PDE1C: variants seen among roughly 807,000 people sequenced by gnomAD.
PDE1C encodes phosphodiesterase 1C.
PDE1C carries 62 observed loss-of-function variants against 93.1 expected under a neutral mutation model. The observed-to-expected ratio is 0.67, with a 90% CI of 0.54 to 0.82. PDE1C has a LOEUF of 0.82. Ranked by LOEUF, PDE1C falls within the 40% of genes least tolerant of loss-of-function variation. The probability of loss-of-function intolerance (pLI) is 0.00; values close to 1 mark genes in which losing one functional copy is unlikely to be tolerated. For missense variants in PDE1C, 742 were observed against 884.6 expected, an observed-to-expected ratio of 0.84 and a Z score of 2.04; for synonymous variants, 325 against 310.1, an observed-to-expected ratio of 1.05 and a Z score of -0.50.
chr7:31,681,822 G>A, the PDE1C span, among the ~76,000 whole-genome samples: 2 of 152,170 alleles, frequency 1.3e-5, no homozygotes, highest in Non-Finnish European at 2.9e-5. Context: ...TTTAAGGCCT[G>A]GCAGAGAAGT....
intron 1 of PDE1C, among the ~76,000 whole-genome samples, chr7:32,384,886 C>T (rs1264605363): frequency 2.0e-5 from 3 of 152,086 alleles, no homozygotes; most frequent in African/African-American, 7.2e-5. Flanking sequence ...CCACATGATG[C>T]CAATGGTGCT....
intron 1 of PDE1C, among the ~76,000 whole-genome samples, chr7:32,317,710 C>T (rs1783204968): frequency 6.6e-6 from 1 of 152,170 alleles, no homozygotes; most frequent in African/African-American, 2.4e-5. Flanking sequence ...CACAGCCAAC[C>T]TGCTGGGGAC....
chr7:31,722,910 T>C, the PDE1C span, among the ~76,000 whole-genome samples: 18 of 152,204 alleles, frequency 1.2e-4, no homozygotes, highest in Non-Finnish European at 2.6e-4. Context: ...TGACAGTTTT[T>C]CTCTCCTGAG....
At chr7:31,681,620 C>G in the PDE1C span, among the ~76,000 whole-genome samples, 1 of 152,114 alleles carries the variant, frequency 6.6e-6, no homozygotes, top group Non-Finnish European at 1.5e-5. Flanking sequence ...TCTCTCATTT[C>G]CATCAGATTA....
intron 14 of PDE1C, 149 bp from the exon 15 acceptor site, chr7:31,816,303 T>A (rs1445132015): frequency 4.5e-6 from 3 of 667,232 alleles, no homozygotes; most frequent in East Asian, 2.7e-5. Flanking sequence ...GATTGGCATG[T>A]ATACTTAGGA....
chr7:32,081,732 C>G (rs60406257), intron 3 of PDE1C, among the ~76,000 whole-genome samples: 18,603 of 152,244 alleles, frequency 0.12, 1,305 homozygotes, highest in East Asian at 0.34. Flanking sequence ...TTTTCAAACC[C>G]CTCTGCCTTC....
intron 16 of PDE1C, among the ~76,000 whole-genome samples, chr7:31,778,186 C>T (rs530438064): frequency 1.4e-4 from 22 of 152,332 alleles, no homozygotes; most frequent in Middle Eastern, 3.4e-3. Flanking sequence ...AAAGCCAGTG[C>T]TGCCACAATG....
rs151128305 is a variant in PDE1C at position 32,047,461 on chromosome 7, C to T, written c.128+4093G>A. Among the ~76,000 whole-genome samples, 356 of 152,226 alleles carry T rather than the reference C, an allele frequency of 2.3e-3. 2 individuals are homozygous for T. Among genetic ancestry groups the T allele is most frequent in the East Asian group, 0.02 (104 of 5,176 alleles). ...GTTTTCTGTGCAAGGAGAGGCTTAC[C>T]TACTACCTATTGATTCCCTTGCTAA... is the stretch of plus-strand genomic sequence containing the variant. On this transcript the variant is annotated intron_variant, in intron 2 of 17. Transcript: ENST00000396191.
intron 2 of PDE1C, among the ~76,000 whole-genome samples, chr7:31,895,991 T>TTACATACATACA (rs6150057): frequency 0.15 from 21,954 of 148,336 alleles, 1,724 homozygotes; most frequent in South Asian, 0.21. Flanking sequence ...ACACTCTCCC[T>TTACATACATACA]TACATACATA....
At chr7:32,344,373 G>C (rs569458280) in intron 1 of PDE1C, among the ~76,000 whole-genome samples, 1 of 152,298 alleles carries the variant, frequency 6.6e-6, no homozygotes, top group Non-Finnish European at 1.5e-5. Flanking sequence ...ACCACGCCCA[G>C]CTAGTATATT....
At chr7:32,342,515 T>A (rs1294807415) in intron 1 of PDE1C, among the ~76,000 whole-genome samples, 1 of 152,210 alleles carries the variant, frequency 6.6e-6, no homozygotes, top group Non-Finnish European at 1.5e-5. Context: ...GTTTTAAATA[T>A]GTATGTTTGC....
intron 1 of PDE1C, among the ~76,000 whole-genome samples, chr7:32,336,493 A>G (rs1783629126): frequency 6.6e-6 from 1 of 152,180 alleles, no homozygotes. Flanking sequence ...AAGTCTCATA[A>G]TCTTACTACA....
chr7:31,786,303 G>A (rs150055850), intron 16 of PDE1C: 35 of 147,898 alleles, frequency 2.4e-4, no homozygotes, highest in African/African-American at 8.5e-4. Context: ...GTATTGTTCT[G>A]TTTTTTTCTT....
intron 1 of PDE1C, among the ~76,000 whole-genome samples, chr7:32,212,820 T>C (rs1031196616): frequency 6.6e-6 from 1 of 152,114 alleles, no homozygotes; most frequent in African/African-American, 2.4e-5. Context: ...GTAACTCCCC[T>C]TCCCACACCT....
intron 1 of PDE1C, among the ~76,000 whole-genome samples, chr7:32,312,175 A>G (rs1783060870): frequency 6.6e-6 from 1 of 152,198 alleles, no homozygotes; most frequent in Non-Finnish European, 1.5e-5. Context: ...AGAGAATAAA[A>G]TACCTAGCAA....
At chr7:32,357,991 A>C (rs1255061031) in intron 1 of PDE1C, among the ~76,000 whole-genome samples, 2 of 152,218 alleles carry the variant, frequency 1.3e-5, no homozygotes, top group South Asian at 4.1e-4. Context: ...GGGCACTTCC[A>C]TGGGGCAGGC....
rs556686164 is a variant in PDE1C, at chr7:32,255,225, A to G, written c.85+43426T>C. ...GTTCATGGGAGTCAAGGCCTCTCAG[A>G]TGGGAGACACCAAGATAAACCGCCT... On this transcript the variant is annotated intron_variant, in intron 1 of 18. Transcript: ENST00000396193. Among the ~76,000 whole-genome samples the G allele has an allele frequency of 2.1e-3, 319 of 152,270 alleles. 1 individual carries two copies. Among genetic ancestry groups the G allele is most frequent in the African/African-American group, 7.4e-3 (306 of 41,548 alleles).
intron 17 of PDE1C, among the ~76,000 whole-genome samples, chr7:31,769,751 A>T (rs1381039805): frequency 9.9e-5 from 15 of 152,178 alleles, no homozygotes; most frequent in Non-Finnish European, 1.5e-5. Flanking sequence ...ATCCATGAGA[A>T]GTCACTCTCC....
chr7:32,167,435 G>T (rs140369441), intron 3 of PDE1C, among the ~76,000 whole-genome samples: 1 of 152,268 alleles, frequency 6.6e-6, no homozygotes, highest in East Asian at 1.9e-4. Context: ...GACAACAGAA[G>T]CCACAGAGAG....
Sources: allele counts gnomAD v4.1 joint callset (sites outside exome capture counted in the v4.1 genomes callset), GRCh38; gene constraint gnomAD v4.1.1; transcripts MANE v1.5; gene names NCBI Gene and HGNC (gene_info 2026-07-23, HGNC 2026-07-21).